Variants in TOGARAM2 observed in about 807,000 individuals in gnomAD.
TOGARAM2 encodes the protein TOG array regulator of axonemal microtubules protein 2.
Under a neutral mutation model 93.3 loss-of-function variants are expected in TOGARAM2, and 85 were observed. That is an observed-to-expected ratio of 0.91 (90% CI 0.76 to 1.09). TOGARAM2 has a LOEUF of 1.09. TOGARAM2 is among the 50% of genes least tolerant of loss of function. The pLI is 0.00. For missense variants in TOGARAM2, 1,277 were observed against 1,334.5 expected (o/e 0.96, Z 0.67); for synonymous variants, 593 against 552.8 (o/e 1.07, Z -1.02).
At chr2:29,046,792 C>G (rs1430574508) in intron 19 of TOGARAM2, 3 of 153,100 alleles carry the variant, frequency 2.0e-5, no homozygotes, top group African/African-American at 7.2e-5. Context: ...TGCTGCTTCC[C>G]CCTGGCACTC....
intron 1 of TOGARAM2, among the ~76,000 whole-genome samples, chr2:28,967,417 G>T (rs1671882579): frequency 6.6e-6 from 1 of 152,154 alleles, no homozygotes; most frequent in Admixed American, 6.6e-5. Flanking sequence ...TGAGGCTGTA[G>T]TGAGCTGTGA....
chr2:29,038,678 C>T (rs992728891), intron 18 of TOGARAM2, among the ~76,000 whole-genome samples: 6 of 152,122 alleles, frequency 3.9e-5, no homozygotes, highest in African/African-American at 1.4e-4. Flanking sequence ...CTCCTGACCT[C>T]AGGCGATCCA....
At chr2:28,999,932 T>C (rs555407723) in intron 4 of TOGARAM2, among the ~76,000 whole-genome samples, 1 of 152,232 alleles carries the variant, frequency 6.6e-6, no homozygotes, top group South Asian at 2.1e-4. Flanking sequence ...GCCTGAGGTT[T>C]AGAGCCACTG....
chr2:28,977,003 C>G (rs1423745158), upstream of TOGARAM2, among the ~76,000 whole-genome samples: 1 of 152,278 alleles, frequency 6.6e-6, no homozygotes, highest in East Asian at 1.9e-4. Flanking sequence ...CCTCCATTAT[C>G]CGCTTTTCTA....
At chr2:28,993,059 C>CAA (rs59495138) in intron 1 of TOGARAM2, among the ~76,000 whole-genome samples, 100 of 133,972 alleles carry the variant, frequency 7.5e-4, no homozygotes, top group African/African-American at 2.6e-3. Flanking sequence ...GATTCTGTCT[C>CAA]AAAAAAAAAA....
intron 12 of TOGARAM2, 67 bp downstream of exon 12, chr2:29,023,258 C>A: frequency 7.5e-7 from 1 of 1,341,532 alleles, no homozygotes; most frequent in Non-Finnish European, 1.0e-6. Flanking sequence ...AGTCCGCTAG[C>A]AGCTGTGGAG....
At chr2:29,008,241 C>G (rs558767850) in intron 6 of TOGARAM2, among the ~76,000 whole-genome samples, 2 of 151,834 alleles carry the variant, frequency 1.3e-5, no homozygotes, top group South Asian at 4.2e-4. Context: ...ACCTCTGCCT[C>G]CTGGGTTCAA....
At position 29,003,691 on chromosome 2, in the gene TOGARAM2, T is replaced by C. The variant is rs1436814530; in HGVS notation, c.830+9T>C. 1 of 1,505,034 alleles carries C rather than the reference T, an allele frequency of 6.6e-7. No homozygotes were observed. Among genetic ancestry groups the C allele is most frequent in the African/African-American group, 1.4e-5 (1 of 69,880 alleles). 93.2% of individuals were successfully genotyped at this position (1,505,034 alleles called of 1,614,324 possible). A position where few individuals can be genotyped will look rare whatever the true frequency, so the allele number is the denominator to read the frequency against. On this transcript the variant is annotated intron_variant, in intron 6 of 19. Transcript: ENST00000379558. The stretch of plus-strand genomic sequence containing the variant: ...AGGGCCCCACGCACGCGGTAAGAGC[T>C]CCAAGTCAAACCTTCCTTGCTGACT...
intron 18 of TOGARAM2, among the ~76,000 whole-genome samples, chr2:29,040,665 T>C (rs975337835): frequency 2.0e-5 from 3 of 152,158 alleles, no homozygotes; most frequent in Admixed American, 2.0e-4. Flanking sequence ...GCCCTGAATT[T>C]TGGGGTAAAT....
At chr2:29,036,067 C>T (rs1666088758) in intron 17 of TOGARAM2, among the ~76,000 whole-genome samples, 1 of 151,906 alleles carries the variant, frequency 6.6e-6, no homozygotes, top group African/African-American at 2.4e-5. Flanking sequence ...CAGGTGGGTG[C>T]CTGCTTCTTG....
chr2:28,979,680 T>C (rs1260557008), upstream of TOGARAM2, among the ~76,000 whole-genome samples: 1 of 152,130 alleles, frequency 6.6e-6, no homozygotes, highest in African/African-American at 2.4e-5. Flanking sequence ...GGCCATCCAG[T>C]GGAGGCAGAG....
At chr2:29,008,632 T>G (rs1175393066) in intron 6 of TOGARAM2, among the ~76,000 whole-genome samples, 1 of 151,902 alleles carries the variant, frequency 6.6e-6, no homozygotes, top group African/African-American at 2.4e-5. Flanking sequence ...AATTTTTGTA[T>G]TTTTAGTAGA....
chr2:29,032,724 T>G, intron 14 of TOGARAM2: 1 of 506,190 alleles, frequency 2.0e-6, no homozygotes. Context: ...GGAAAATATG[T>G]AAAAATTTAA....
rs557328735 is a variant in TOGARAM2, at chr2:29,004,994, G to C, written c.830+1312G>C. 1.1e-4 allele frequency among the ~76,000 whole-genome samples: 8 copies of C among 72,596 alleles called. 2 individuals are homozygous for C. In the East Asian group the frequency reaches 2.4e-3, roughly 22 times the overall value. 47.6% of individuals were successfully genotyped at this position (72,596 alleles called of 152,430 possible). A position where few individuals can be genotyped will look rare whatever the true frequency, so the allele number is the denominator to read the frequency against. The stretch of plus-strand genomic sequence containing the variant: ...AGTGCATGTGTGTATGTGTGTGAGT[G>C]CATGTGTGTGCATGTGTATGTGTGA... On this transcript the variant is annotated intron_variant, in intron 6 of 19. Transcript: ENST00000379558.
intron 4 of TOGARAM2, among the ~76,000 whole-genome samples, chr2:29,001,578 G>A (rs61438348): frequency 0.035 from 5,247 of 151,356 alleles, 260 homozygotes; most frequent in East Asian, 0.15. Flanking sequence ...TCGGCTCACC[G>A]CAACCTCCAC....
At chr2:29,004,237 C>A (rs192565504) in intron 6 of TOGARAM2, among the ~76,000 whole-genome samples, 24 of 152,326 alleles carry the variant, frequency 1.6e-4, no homozygotes, top group African/African-American at 5.8e-4. Context: ...CCCTCCTTGG[C>A]CTCCCAAAGT....
intron 1 of TOGARAM2, among the ~76,000 whole-genome samples, chr2:28,964,939 G>T (rs964205262): frequency 6.6e-6 from 1 of 152,122 alleles, no homozygotes; most frequent in Admixed American, 6.5e-5. Context: ...GAATAGTGCT[G>T]CAATGAACAT....
intron 16 of TOGARAM2, among the ~76,000 whole-genome samples, chr2:29,034,840 C>T (rs1481508420): frequency 6.6e-6 from 1 of 152,130 alleles, no homozygotes; most frequent in Non-Finnish European, 1.5e-5. Context: ...CAAGGTCTTT[C>T]CCCACTCTTA....
chr2:29,022,309 G>T lies in TOGARAM2; in HGVS notation c.1511+1G>T. The T allele has an allele frequency of 6.2e-7, 1 of 1,613,868 alleles. No homozygotes were observed. Among genetic ancestry groups the T allele is most frequent in the Non-Finnish European group, 8.5e-7 (1 of 1,179,824 alleles). On this transcript the variant is annotated splice_donor_variant, in intron 11 of 19. Coordinates refer to ENST00000379558, the MANE Select transcript of TOGARAM2 (RefSeq NM_199280.4). LOFTEE classifies it high-confidence loss of function. ...TCCAGTGCCTCAACAGCAGTGACTG[G>T]TGAGGAGATGCTTCCACCACGTGCT...
Sources: allele counts gnomAD v4.1 joint callset (sites outside exome capture counted in the v4.1 genomes callset), GRCh38; gene constraint gnomAD v4.1.1; transcripts MANE v1.5; gene names NCBI Gene and HGNC (gene_info 2026-07-23, HGNC 2026-07-21).